The following RALGAPA2 variants were observed in gnomAD, a reference collection of about 807,000 sequenced individuals.
RALGAPA2 encodes Ral GTPase activating protein catalytic subunit alpha 2.
RALGAPA2 carries 139 observed loss-of-function variants against 230.4 expected under a neutral mutation model. That is an observed-to-expected ratio of 0.60 (90% CI 0.53 to 0.69). The LOEUF is 0.69. Among genes scored for constraint, RALGAPA2 ranks in the 30% least tolerant of loss-of-function variants. The pLI is 0.00. For missense variants in RALGAPA2, 2,163 were observed against 2,276.0 expected, an observed-to-expected ratio of 0.95 and a Z score of 1.01; for synonymous variants, 847 against 837.8, an observed-to-expected ratio of 1.01 and a Z score of -0.19.
At chr20:20,635,695 C>A in intron 8 of RALGAPA2, 78 bp from the exon 9 acceptor site, 1 of 1,211,316 alleles carries the variant, frequency 8.3e-7, no homozygotes, top group Non-Finnish European at 1.1e-6. Flanking sequence ...GTTTTGGTTT[C>A]CAATTAAATC....
chr20:20,490,890 A>T (rs1014470018), intron 36 of RALGAPA2, among the ~76,000 whole-genome samples: 7 of 151,264 alleles, frequency 4.6e-5, no homozygotes, highest in African/African-American at 1.5e-4. Context: ...ACACACACAC[A>T]CACACTCACA....
chr20:20,540,194 C>T (rs191466607), intron 24 of RALGAPA2, among the ~76,000 whole-genome samples: 24 of 152,238 alleles, frequency 1.6e-4, no homozygotes, highest in African/African-American at 5.8e-4. Flanking sequence ...TACTGTTTTC[C>T]ATAATGGCTG....
chr20:20,417,429 C>A (rs2060188989), intron 37 of RALGAPA2, among the ~76,000 whole-genome samples: 1 of 152,202 alleles, frequency 6.6e-6, no homozygotes, highest in Admixed American at 6.5e-5. Flanking sequence ...CACGGGGCTG[C>A]ATGACTCTCC....
At chr20:20,452,136 G>A (rs1405242114) in intron 37 of RALGAPA2, among the ~76,000 whole-genome samples, 5 of 152,076 alleles carry the variant, frequency 3.3e-5, no homozygotes, top group African/African-American at 1.2e-4. Context: ...AAAAGAAATT[G>A]AAAGTTAAAG....
At chr20:20,430,563 T>C (rs2060479687) in intron 37 of RALGAPA2, among the ~76,000 whole-genome samples, 1 of 152,256 alleles carries the variant, frequency 6.6e-6, no homozygotes, top group African/African-American at 2.4e-5. Context: ...CCTCTACCTA[T>C]AGCAGGTTCT....
chr20:20,614,047 G>A (rs1184894028), intron 13 of RALGAPA2, among the ~76,000 whole-genome samples: 1 of 152,152 alleles, frequency 6.6e-6, no homozygotes, highest in African/African-American at 2.4e-5. Context: ...AAGCTCGATA[G>A]TTATTTATTA....
At chr20:20,509,914 C>A (rs2062651566) in intron 33 of RALGAPA2, among the ~76,000 whole-genome samples, 1 of 152,048 alleles carries the variant, frequency 6.6e-6, no homozygotes, top group Admixed American at 6.6e-5. Context: ...AAAGAAAATT[C>A]CAACTGGACT....
rs1238868970 is a variant in RALGAPA2, at chr20:20,573,060, C to G, written c.2716G>C (p.Glu906Gln). 3 of 1,603,438 alleles carry G rather than the reference C, an allele frequency of 1.9e-6. No homozygotes were observed. Among genetic ancestry groups the G allele is most frequent in the Non-Finnish European group, 2.6e-6 (3 of 1,174,540 alleles). The change falls in exon 21 of 40, where the codon GAG (glutamate) becomes CAG (glutamine). Residue 906 changes from glutamate (E) to glutamine (Q), a missense_variant. Physicochemically the swap from Glu to Gln is conservative, Grantham distance 29. Transcript: ENST00000202677. ...ATACTACAGTCATCTGTGAGGCACT[C>G]GCTGCTATCTATGCAGAAAAACATG... is the stretch of plus-strand genomic sequence containing the variant. The part of the protein sequence containing the change: ...TDASNLTDSS[E>Q]CLTDDCSIIA...
chr20:20,696,039 G>A (rs1480564706), intron 1 of RALGAPA2, among the ~76,000 whole-genome samples: 1 of 152,064 alleles, frequency 6.6e-6, no homozygotes, highest in Non-Finnish European at 1.5e-5. Flanking sequence ...GTAGATTTGG[G>A]GATAACAGCA....
intron 38 of RALGAPA2, among the ~76,000 whole-genome samples, chr20:20,399,462 G>C (rs761200865): frequency 2.0e-5 from 3 of 151,810 alleles, no homozygotes; most frequent in Non-Finnish European, 4.4e-5. Context: ...TCATATCTAA[G>C]AGTAGTTGAG....
chr20:20,521,373 C>T (rs1382792320), intron 30 of RALGAPA2, among the ~76,000 whole-genome samples: 1 of 152,114 alleles, frequency 6.6e-6, no homozygotes, highest in Non-Finnish European at 1.5e-5. Context: ...AAGTCCCCCT[C>T]CTGTCCACCA....
At position 20,616,341 on chromosome 20, in the gene RALGAPA2, C is replaced by T. The variant is rs2066140560; in HGVS notation, c.1540-150G>A. ...ATTTCAATAAGGCAAGTGGTACCAA[C>T]ACATATTCAAAATTTTTTTTTGGTT... On this transcript the variant is annotated intron_variant, in intron 12 of 39. Coordinates refer to ENST00000202677, the MANE Select transcript of RALGAPA2 (RefSeq NM_020343.4). 23 of 698,792 alleles carry T rather than the reference C, an allele frequency of 3.3e-5. No homozygotes were observed. The South Asian group carries it at 6.9e-4, about 21-fold the overall frequency. 43.3% of individuals were successfully genotyped at this position (698,792 alleles called of 1,614,324 possible).
rs999896894 is a variant in RALGAPA2, at chr20:20,398,795, T to C, written c.5618-2061A>G. Among the ~76,000 whole-genome samples the C allele has an allele frequency of 2.0e-5, 3 of 152,168 alleles. No homozygotes were observed. Among genetic ancestry groups the C allele is most frequent in the African/African-American group, 7.2e-5 (3 of 41,436 alleles). ...ATATGTGCCAGGTACTGTTTTAGGC[T>C]CTGGGTTACAGTGGTGACCAAAGCA... On this transcript the variant is annotated intron_variant, in intron 38 of 39. Coordinates refer to ENST00000202677, the MANE Select transcript of RALGAPA2 (RefSeq NM_020343.4). The surrounding 1 kb of genome is among the most constrained non-coding windows in gnomAD (Gnocchi z 4.5).
intron 38 of RALGAPA2, among the ~76,000 whole-genome samples, chr20:20,406,700 C>G (rs1177073471): frequency 6.6e-6 from 1 of 152,166 alleles, no homozygotes; most frequent in Non-Finnish European, 1.5e-5. Context: ...TCGCTTGAAC[C>G]CAGGAGTTCA....
At chr20:20,654,798 A>G (rs1012070544) in intron 3 of RALGAPA2, among the ~76,000 whole-genome samples, 2 of 152,168 alleles carry the variant, frequency 1.3e-5, no homozygotes, top group Non-Finnish European at 2.9e-5. Context: ...TTTTATTTCT[A>G]GTTTTTTTGA....
intron 31 of RALGAPA2, among the ~76,000 whole-genome samples, chr20:20,518,499 T>C (rs780033112): frequency 2.0e-5 from 3 of 152,210 alleles, no homozygotes; most frequent in Non-Finnish European, 4.4e-5. Flanking sequence ...CTATATGATG[T>C]ATCCGCTTGG....
intron 23 of RALGAPA2, among the ~76,000 whole-genome samples, chr20:20,566,172 C>G (rs1195753607): frequency 6.6e-6 from 1 of 152,188 alleles, no homozygotes. Flanking sequence ...CCTTCAAGTG[C>G]CATGTTGGCT....
rs540908289 is a variant in RALGAPA2 at position 20,669,154 on chromosome 20, T to C, written c.270+7082A>G. On this transcript the variant is annotated intron_variant, in intron 3 of 39. Transcript: ENST00000202677. ...TGTTTACGTTTTGAAATTAAGCCTC[T>C]TGTGTCGATGTATTTTAATTGGAGT... Among the ~76,000 whole-genome samples the C allele has an allele frequency of 2.2e-3, 341 of 152,330 alleles. 6 individuals carry two copies. The highest frequency in any genetic ancestry group is 8.5e-3 in the South Asian group (41 of 4,828).
intron 3 of RALGAPA2, among the ~76,000 whole-genome samples, chr20:20,658,539 A>G (rs1232767467): frequency 6.6e-6 from 1 of 152,228 alleles, no homozygotes; most frequent in Non-Finnish European, 1.5e-5. Context: ...AAAGCCACAC[A>G]GTGTGAATAA....
Sources: gnomAD v4.1 joint callset for allele counts (sites outside exome capture counted in the v4.1 genomes callset) on GRCh38, gnomAD v4.1.1 for gene constraint, Gnocchi (gnomAD v3.1) non-coding constraint, MANE v1.5 for transcripts, NCBI Gene and HGNC (gene_info 2026-07-23, HGNC 2026-07-21) for gene names.